The following USP3 variants were observed in gnomAD, a reference collection of about 807,000 sequenced individuals.
The protein encoded by USP3 is ubiquitin carboxyl-terminal hydrolase 3.
Under a neutral mutation model 72.3 loss-of-function variants are expected in USP3, and 20 were observed. The ratio of observed to expected loss-of-function variants is 0.28; its 90% CI spans 0.19 to 0.40. USP3 has a LOEUF of 0.40. Among genes scored for constraint, USP3 ranks in the 10% least tolerant of loss-of-function variants. The pLI, the probability that USP3 is intolerant of heterozygous loss-of-function variation, is 1.00. For missense variants in USP3, 479 were observed against 633.9 expected, an observed-to-expected ratio of 0.76 and a Z score of 2.62; for synonymous variants, 222 against 225.3, an observed-to-expected ratio of 0.99 and a Z score of 0.13.
chr15:63,587,314 T>C (rs1223347981), intron 11 of USP3, among the ~76,000 whole-genome samples: 1 of 152,094 alleles, frequency 6.6e-6, no homozygotes, highest in Non-Finnish European at 1.5e-5. Flanking sequence ...GTGGGGTCCA[T>C]AGGCATTCAT....
intron 4 of USP3, among the ~76,000 whole-genome samples, chr15:63,554,936 A>G (rs1178231609): frequency 6.6e-6 from 1 of 152,118 alleles, no homozygotes; most frequent in Non-Finnish European, 1.5e-5. Flanking sequence ...AAAATATTTA[A>G]TTTTCTCTGA....
rs1163229278 is a variant in USP3, at chr15:63,574,466, T to G, written c.1096+63T>G. The G allele has an allele frequency of 8.0e-7, 1 of 1,246,938 alleles. No homozygotes were observed. The highest frequency in any genetic ancestry group is 1.6e-5 in the African/African-American group (1 of 64,492). The allele number at this position is 1,246,938 out of a possible 1,614,324, so 77.2% of individuals were successfully genotyped here. ...AAATAATTGAATAGATTGATAAGCTTCATCTATATGTGGTATCTTTAATTA... is the reference window on the plus strand; with the variant it reads ...AAATAATTGAATAGATTGATAAGCTGCATCTATATGTGGTATCTTTAATTA... On this transcript the variant is annotated intron_variant, in intron 11 of 14. Coordinates refer to ENST00000380324, the MANE Select transcript of USP3 (RefSeq NM_006537.4). The surrounding 1 kb of genome is among the most constrained non-coding windows in gnomAD (Gnocchi z 4.6).
At chr15:63,572,256 A>G (rs1407776746) in intron 9 of USP3, among the ~76,000 whole-genome samples, 1 of 152,236 alleles carries the variant, frequency 6.6e-6, no homozygotes, top group Admixed American at 6.5e-5. Context: ...ATTACAAGGA[A>G]GAACTACATT....
At chr15:63,579,770 A>T (rs2152681154) in intron 11 of USP3, among the ~76,000 whole-genome samples, 1 of 152,314 alleles carries the variant, frequency 6.6e-6, no homozygotes, top group African/African-American at 2.4e-5. Context: ...GACATATATG[A>T]AAAAGGTGAC....
chr15:63,533,786 G>T, intron 2 of USP3: 1 of 1,097,434 alleles, frequency 9.1e-7, no homozygotes, highest in Admixed American at 2.6e-5. Flanking sequence ...TGGCTGTTGT[G>T]GTTTTGAAAT....
chr15:63,577,945 A>G (rs1292609459), intron 11 of USP3, among the ~76,000 whole-genome samples: 1 of 134,026 alleles, frequency 7.5e-6, no homozygotes, highest in African/African-American at 2.8e-5. Flanking sequence ...AAAAAAAAAA[A>G]AGTCCAAATA....
chr15:63,545,722 C>T (rs1048569630), intron 3 of USP3, among the ~76,000 whole-genome samples: 12 of 151,962 alleles, frequency 7.9e-5, no homozygotes, highest in African/African-American at 2.9e-4. Flanking sequence ...GTAATCCCAG[C>T]ACATTGGGAG....
intron 3 of USP3, among the ~76,000 whole-genome samples, chr15:63,538,840 A>G (rs935069418): frequency 2.0e-5 from 3 of 152,120 alleles, no homozygotes; most frequent in African/African-American, 7.2e-5. Flanking sequence ...GTTCAACACC[A>G]TTAAATTTTG....
chr15:63,517,638 C>T (rs1481998331), intron 1 of USP3, among the ~76,000 whole-genome samples: 1 of 152,080 alleles, frequency 6.6e-6, no homozygotes. Context: ...TTTTCTGGTA[C>T]CATTGAGTTT....
At position 63,588,929 on chromosome 15, in the gene USP3, T is replaced by C. The variant is rs774240332; in HGVS notation, c.1330-15T>C. The C allele has an allele frequency of 1.2e-6, 2 of 1,614,168 alleles. No individual in the cohort carries two copies. The highest frequency in any genetic ancestry group is 3.3e-5 in the Admixed American group (2 of 60,020). On this transcript the variant is annotated splice_polypyrimidine_tract_variant and intron_variant, in intron 13 of 14. Coordinates refer to ENST00000380324, the MANE Select transcript of USP3 (RefSeq NM_006537.4). This position sits in a 1 kb window ranked among gnomAD's most constrained non-coding sequence, Gnocchi z 4.6. The stretch of plus-strand genomic sequence containing the variant: ...TGATGTCATTGACCACTGCTCCTTC[T>C]TCCTTGTTCTGTAGCCTGAGAACAG...
Position 63,553,693 on chromosome 15 carries a change from T to G in USP3, c.285-22T>G. 6.2e-7 allele frequency: 1 copy of G among 1,606,930 alleles called. No individual in the cohort carries two copies. The highest frequency in any genetic ancestry group is 8.5e-7 in the Non-Finnish European group (1 of 1,176,374). ...GGTTTCCTCAAGCTCTTTACACACA[T>G]TGATTAATATTTTCCTTGCAGTTAT... On this transcript the variant is annotated intron_variant, in intron 3 of 14. Coordinates refer to ENST00000380324, the MANE Select transcript of USP3 (RefSeq NM_006537.4). This position sits in a 1 kb window ranked among gnomAD's most constrained non-coding sequence, Gnocchi z 4.2.
chr15:63,567,776 C>T (rs568952150), intron 8 of USP3, among the ~76,000 whole-genome samples: 315 of 152,334 alleles, frequency 2.1e-3, no homozygotes, highest in African/African-American at 7.3e-3. Context: ...CCACCACACC[C>T]GGCTTGATCA....
chr15:63,516,018 A>G (rs1399176326), intron 1 of USP3, among the ~76,000 whole-genome samples: 1 of 152,212 alleles, frequency 6.6e-6, no homozygotes, highest in African/African-American at 2.4e-5. Flanking sequence ...CAGTGTTTGC[A>G]CCACTTGCCC....
chr15:63,554,179 A>C (rs1417364287), intron 4 of USP3, among the ~76,000 whole-genome samples: 2 of 152,190 alleles, frequency 1.3e-5, no homozygotes, highest in Non-Finnish European at 1.5e-5. Context: ...TATGAGGTCT[A>C]CTAGGAAGCA....
Position 63,529,081 on chromosome 15 carries a change from C to A in USP3, c.92-3566C>A. 7.8e-7 allele frequency: 1 copy of A among 1,284,948 alleles called. No homozygotes were observed. Among genetic ancestry groups the A allele is most frequent in the South Asian group, 1.2e-5 (1 of 80,936 alleles). The allele number at this position is 1,284,948 out of a possible 1,614,324, so 79.6% of individuals were successfully genotyped here. On this transcript the variant is annotated intron_variant, in intron 1 of 14. Transcript: ENST00000380324. This position sits in a 1 kb window ranked among gnomAD's most constrained non-coding sequence, Gnocchi z 4.2. Reference sequence around the variant, plus strand: ...GAGTACTGTATGTTGCCCAGGCTGGCCTCGAACTCTAGGCTCAAGTGATTC... The same window carrying A: ...GAGTACTGTATGTTGCCCAGGCTGGACTCGAACTCTAGGCTCAAGTGATTC...
chr15:63,559,941 C>T lies in USP3; in HGVS notation c.618C>T (p.Tyr206=), dbSNP rs374225135. ...RNGKTAGRRT[Y]HTRSQGDNNV... Reference sequence around the variant, plus strand: ...GGAAAACAGCAGGAAGGCGGACATACCACACCAGGAGCCAAGGGGATAACA... The same window carrying T: ...GGAAAACAGCAGGAAGGCGGACATATCACACCAGGAGCCAAGGGGATAACA... Residue 206 remains tyrosine, a synonymous_variant, in exon 7 of 15, where the codon TAC becomes TAT. Transcript: ENST00000380324. 6.2e-7 allele frequency: 1 copy of T among 1,613,908 alleles called. No homozygotes were observed. The highest frequency in any genetic ancestry group is 1.3e-5 in the African/African-American group (1 of 74,896).
chr15:63,559,793 A>C (rs1462408014), intron 6 of USP3, 64 bp from the exon 7 acceptor site: 1 of 1,422,920 alleles, frequency 7.0e-7, no homozygotes, highest in East Asian at 2.5e-5. Flanking sequence ...TGTAGGCTTC[A>C]TCAACTTTCT....
intron 1 of USP3, among the ~76,000 whole-genome samples, chr15:63,522,800 T>C (rs1351369185): frequency 6.6e-6 from 1 of 152,262 alleles, no homozygotes; most frequent in African/African-American, 2.4e-5. Context: ...TTTTGACATT[T>C]TATTCATTGC....
chr15:63,533,827 T>G (rs1254641234), intron 2 of USP3: 3 of 1,240,950 alleles, frequency 2.4e-6, no homozygotes, highest in Non-Finnish European at 3.1e-6. Flanking sequence ...GAAAATACTT[T>G]GTACAGATAA....
Sources: allele counts gnomAD v4.1 joint callset (sites outside exome capture counted in the v4.1 genomes callset), GRCh38; gene constraint gnomAD v4.1.1; non-coding constraint Gnocchi (gnomAD v3.1); transcripts MANE v1.5; gene names NCBI Gene and HGNC (gene_info 2026-07-23, HGNC 2026-07-21).